NIPA2: variants seen among roughly 807,000 people sequenced by gnomAD.
The protein encoded by NIPA2 is magnesium transporter NIPA2.
Under a neutral mutation model 29.7 loss-of-function variants are expected in NIPA2, and 11 were observed. The observed-to-expected ratio is 0.37, with a 90% confidence interval of 0.23 to 0.61. NIPA2 has a LOEUF of 0.61. Ranked by LOEUF, NIPA2 falls within the 20% of genes least tolerant of loss-of-function variation. The pLI is 0.66. For synonymous variants in NIPA2, 183 were observed against 161.9 expected (o/e 1.13, Z -0.99); for missense variants, 426 against 437.9 (o/e 0.97, Z 0.24).
Position 22,866,489 on chromosome 15 carries a change from T to G in NIPA2, c.725T>G (p.Ile242Arg), listed in dbSNP as rs761097989. 6.2e-7 allele frequency: 1 copy of G among 1,614,068 alleles called. No individual in the cohort carries two copies. Among genetic ancestry groups the G allele is most frequent in the Non-Finnish European group, 8.5e-7 (1 of 1,179,888 alleles). Residue 242 changes from isoleucine (I) to arginine (R), a missense_variant, in exon 8 of 8, where the codon ATA (isoleucine) becomes AGA (arginine). Physicochemically the swap from Ile to Arg is moderately conservative, Grantham distance 97 (BLOSUM62 -3). This residue lies in a region of NIPA2 where 357 missense variants were observed against 339.8 expected (regional missense o/e 1.05). Transcript: ENST00000337451. The part of the protein sequence containing the change: ...QINYLNRALD[I>R]FNTSIVTPIY... ...AATTACCTAAATAGGGCCCTGGATA[T>G]ATTCAACACTTCCATTGTGACTCCA...
At chr15:22,854,337 G>C (rs2058022905) in intron 5 of NIPA2, among the ~76,000 whole-genome samples, 1 of 151,468 alleles carries the variant, frequency 6.6e-6, no homozygotes, top group Non-Finnish European at 1.5e-5. Flanking sequence ...ATGTTGCCCA[G>C]GATGGTCTCG....
intron 2 of NIPA2, among the ~76,000 whole-genome samples, chr15:22,840,668 CCT>C (rs1319890658): frequency 1.3e-5 from 2 of 152,070 alleles, no homozygotes; most frequent in Non-Finnish European, 2.9e-5. Context: ...TCTGTGTGGT[CCT>C]CTGCATGTGA....
At chr15:22,861,156 T>C (rs2058594505) in intron 7 of NIPA2, among the ~76,000 whole-genome samples, 1 of 152,240 alleles carries the variant, frequency 6.6e-6, no homozygotes, top group Admixed American at 6.5e-5. Context: ...CTGTATAATT[T>C]GTTTTTCCAG....
At chr15:22,850,083 T>A (rs1007425854) in intron 3 of NIPA2, among the ~76,000 whole-genome samples, 2 of 152,128 alleles carry the variant, frequency 1.3e-5, no homozygotes, top group Non-Finnish European at 2.9e-5. Flanking sequence ...AATCCCCATT[T>A]TCTACAGAAA....
rs1463436977 is a variant in NIPA2, at chr15:22,868,085, C to CCAT, written c.*1241_*1243dup. The CCAT allele has an allele frequency of 6.6e-6, 1 of 152,254 alleles. No individual in the cohort carries two copies. The allele number at this position is 152,254 out of a possible 1,614,324, so 9.4% of individuals were successfully genotyped here. On this transcript the variant is annotated 3_prime_UTR_variant, in exon 8 of 8. Transcript: ENST00000337451. ...TACCCAGTGGTGCGCCAGCGCCAAGCCATCACTCCCCGAGGGCCTCCCCTG... is the reference window on the plus strand; with the variant it reads ...TACCCAGTGGTGCGCCAGCGCCAAGCCATCATCACTCCCCGAGGGCCTCCCCTG...
rs2057838392 is a variant in NIPA2 at position 22,852,483 on chromosome 15, C to CAAAAAAAAAAA, written c.139+613_139+614insAAAAAAAAAAA. On this transcript the variant is annotated intron_variant, in intron 4 of 7. Coordinates refer to ENST00000337451, the MANE Select transcript of NIPA2 (RefSeq NM_030922.7). ...GACTCCGTCTAAAAAAAAAAAAAAG[C>CAAAAAAAAAAA]CATGGTTAAAATCAGAATTTATTAA... is the stretch of plus-strand genomic sequence containing the variant. Among the ~76,000 whole-genome samples, 38 of 119,580 alleles carry CAAAAAAAAAAA rather than the reference C, an allele frequency of 3.2e-4. 2 individuals are homozygous for CAAAAAAAAAAA. The South Asian group carries it at 8.8e-3, about 28-fold the overall frequency. The allele number at this position is 119,580 out of a possible 152,430, so 78.4% of individuals were successfully genotyped here. A position where few individuals can be genotyped will look rare whatever the true frequency, so the allele number is the denominator to read the frequency against.
chr15:22,865,034 G>T (rs781214281), intron 7 of NIPA2, among the ~76,000 whole-genome samples: 6 of 151,876 alleles, frequency 4.0e-5, no homozygotes, highest in African/African-American at 1.4e-4. Flanking sequence ...GCTAATTTTT[G>T]TATTTTTAGA....
At chr15:22,856,927 T>C (rs578226262) in intron 5 of NIPA2, among the ~76,000 whole-genome samples, 7 of 152,358 alleles carry the variant, frequency 4.6e-5, no homozygotes, top group African/African-American at 1.4e-4. Context: ...GATTCCTCAG[T>C]AGCTTTTCAA....
intron 2 of NIPA2, among the ~76,000 whole-genome samples, chr15:22,844,891 G>T (rs1898190108): frequency 6.6e-6 from 1 of 152,158 alleles, no homozygotes; most frequent in Admixed American, 6.5e-5. Context: ...CTTAGTCGTG[G>T]AGTCCTTGAG....
At position 22,868,161 on chromosome 15, in the gene NIPA2, CCTT is replaced by C. The variant is rs1421409302; in HGVS notation, c.*1315_*1317del. ...CTCACCACTGGCTGCGTGGAAACTC[CCTT>C]TTTTCCAACTTTATTATTGGCCTTC... is the stretch of plus-strand genomic sequence containing the variant. On this transcript the variant is annotated 3_prime_UTR_variant, in exon 8 of 8. Coordinates refer to ENST00000337451, the MANE Select transcript of NIPA2 (RefSeq NM_030922.7). The C allele has an allele frequency of 1.3e-5, 2 of 152,212 alleles. No individual in the cohort carries two copies. Among genetic ancestry groups the C allele is most frequent in the Admixed American group, 6.5e-5 (1 of 15,284 alleles). The allele number at this position is 152,212 out of a possible 1,614,324, so 9.4% of individuals were successfully genotyped here.
Position 22,838,701 on chromosome 15 carries a change from G to A in NIPA2, c.-572G>A, listed in dbSNP as rs1296560718. 2 of 152,514 alleles carry A rather than the reference G, an allele frequency of 1.3e-5. No homozygotes were observed. 9.4% of individuals were successfully genotyped at this position (152,514 alleles called of 1,614,324 possible). A position where few individuals can be genotyped will look rare whatever the true frequency, so the allele number is the denominator to read the frequency against. ...CCTAGGTCCCGGCAGCGGTGGTGAC[G>A]GCGGTGCCGGAGGTTGTCCTTGGCA... On this transcript the variant is annotated 5_prime_UTR_variant, in exon 1 of 8. Transcript: ENST00000337451.
In NIPA2 at chr15:22,840,062, A is replaced by T. The variant is rs547653426; in HGVS notation, c.-216+272A>T. ...CAGCCTCCCCAGCAGCTGGGACCAC[A>T]GACGTGCGGCACCATGCCTGGCTAA... On this transcript the variant is annotated intron_variant, in intron 2 of 7. Transcript: ENST00000337451. Among the ~76,000 whole-genome samples, 5 of 152,174 alleles carry T rather than the reference A, an allele frequency of 3.3e-5. No homozygotes were observed. In the South Asian group the frequency reaches 1.0e-3, roughly 32 times the overall value.
Position 22,867,162 on chromosome 15 carries a change from T to C in NIPA2, c.*315T>C, listed in dbSNP as rs140218238. ...TCTATGAAAATGCTTTATTTTTTCATTGGTGATGAAAGTCTGAAATGTGCA... is the reference window on the plus strand; with the variant it reads ...TCTATGAAAATGCTTTATTTTTTCACTGGTGATGAAAGTCTGAAATGTGCA... On this transcript the variant is annotated 3_prime_UTR_variant, in exon 8 of 8. Transcript: ENST00000337451. 197 of 447,574 alleles carry C rather than the reference T, an allele frequency of 4.4e-4. 1 individual carries two copies. The highest frequency in any genetic ancestry group is 7.1e-4 in the Non-Finnish European group (181 of 256,234). 27.7% of individuals were successfully genotyped at this position (447,574 alleles called of 1,614,324 possible).
chr15:22,855,785 A>G (rs1479904109), intron 5 of NIPA2, among the ~76,000 whole-genome samples: 1 of 152,160 alleles, frequency 6.6e-6, no homozygotes. Context: ...TGATCTGCCC[A>G]TATGATATTT....
rs1436464926 is a variant in NIPA2, at chr15:22,866,476, A to G, written c.712A>G (p.Arg238Gly). 2 of 1,611,406 alleles carry G rather than the reference A, an allele frequency of 1.2e-6. No individual in the cohort carries two copies. The highest frequency in any genetic ancestry group is 1.3e-5 in the African/African-American group (1 of 74,824). The change falls in exon 8 of 8, where the codon AGG becomes GGG. Residue 238 changes from arginine to glycine, a missense_variant. Arg to Gly is a moderately radical substitution (Grantham distance 125). Around this residue, in one of 3 missense-constraint regions of NIPA2, gnomAD observed 357 missense variants for 339.8 expected, o/e 1.05. Transcript: ENST00000337451. ...GAGCACACAGATTAATTACCTAAAT[A>G]GGGCCCTGGATATATTCAACACTTC... is the stretch of plus-strand genomic sequence containing the variant. Reference protein sequence around the residue: ...CVSTQINYLNRALDIFNTSIV... With the variant: ...CVSTQINYLNGALDIFNTSIV...
intron 2 of NIPA2, among the ~76,000 whole-genome samples, chr15:22,841,121 AT>A (rs1896980670): frequency 1.3e-5 from 2 of 152,018 alleles, no homozygotes; most frequent in African/African-American, 4.8e-5. Flanking sequence ...TGTATTAGAG[AT>A]TTTCCTTCAA....
chr15:22,859,116 A>G (rs140820119), intron 6 of NIPA2, among the ~76,000 whole-genome samples: 1,998 of 152,120 alleles, frequency 0.013, 25 homozygotes, highest in Middle Eastern at 0.02. Context: ...GGAGGTTGCA[A>G]TGACCCGAGA....
Position 22,867,722 on chromosome 15 carries a change from GTTC to G in NIPA2, c.*878_*880del, listed in dbSNP as rs1321629593. 6.6e-6 allele frequency: 1 copy of G among 152,242 alleles called. No homozygotes were observed. Among genetic ancestry groups the G allele is most frequent in the African/African-American group, 2.4e-5 (1 of 41,412 alleles). 9.4% of individuals were successfully genotyped at this position (152,242 alleles called of 1,614,324 possible). ...TGTTATAATAAAAAGTTGAAATGAA[GTTC>G]TTATTCTAAAAGTCTGAATGCTTAG... On this transcript the variant is annotated 3_prime_UTR_variant, in exon 8 of 8. Transcript: ENST00000337451.
chr15:22,860,602 C>A, intron 6 of NIPA2, 27 bp from the exon 7 acceptor site: 2 of 1,472,870 alleles, frequency 1.4e-6, no homozygotes, highest in South Asian at 1.3e-5. Flanking sequence ...GATTAAAGTT[C>A]TCAATTTTTT....
Sources: allele counts gnomAD v4.1 joint callset (sites outside exome capture counted in the v4.1 genomes callset), GRCh38; gene constraint gnomAD v4.1.1; regional missense constraint gnomAD v4.1.1; transcripts MANE v1.5; gene names NCBI Gene and HGNC (gene_info 2026-07-23, HGNC 2026-07-21).